CUX2: variants seen among roughly 807,000 people sequenced by gnomAD.
CUX2 encodes cut like homeobox 2.
CUX2 carries 40 observed loss-of-function variants against 144.8 expected under a neutral mutation model. The observed-to-expected ratio is 0.28, with a 90% CI of 0.21 to 0.36. CUX2 has a LOEUF of 0.36. Among genes scored for constraint, CUX2 ranks in the 10% least tolerant of loss-of-function variants. The pLI, the probability that CUX2 is intolerant of heterozygous loss-of-function variation, is 1.00. For missense variants in CUX2, 1,615 were observed against 1,994.0 expected (o/e 0.81, Z 3.62); for synonymous variants, 827 against 875.6 (o/e 0.94, Z 0.98).
intron 8 of CUX2, 97 bp downstream of exon 8, chr12:111,296,636 C>T (rs1886011681): frequency 1.7e-6 from 2 of 1,151,228 alleles, no homozygotes; most frequent in Non-Finnish European, 2.5e-6. Context: ...TCCCTCTGAC[C>T]CTCCCAGACA....
intron 21 of CUX2, 123 bp from the exon 22 acceptor site, chr12:111,347,400 TG>T: frequency 1.2e-6 from 1 of 819,528 alleles, no homozygotes; most frequent in Non-Finnish European, 1.9e-6. Context: ...GGTGCAAGTA[TG>T]GAGGCTTAGT....
Position 111,170,145 on chromosome 12 carries a change from A to G in CUX2, c.64-44055A>G, listed in dbSNP as rs141365023. Among the ~76,000 whole-genome samples the G allele has an allele frequency of 1.5e-4, 23 of 152,308 alleles. No homozygotes were observed. The East Asian group carries it at 4.4e-3, about 29-fold the overall frequency. ...CTGAGTCTCCCAGGATGAGAGTATT[A>G]AGAACAATAACTGGCCAGGCGTGGT... On this transcript the variant is annotated intron_variant, in intron 1 of 21. Transcript: ENST00000261726.
chr12:111,275,790 C>G (rs1884844984), intron 4 of CUX2, among the ~76,000 whole-genome samples: 1 of 152,160 alleles, frequency 6.6e-6, no homozygotes, highest in Admixed American at 6.5e-5. Context: ...TGAGTAAAGC[C>G]TCAGCCAGGT....
Position 111,322,522 on chromosome 12 carries a change from G to A in CUX2, c.2868G>A (p.Gln956=). The A allele has an allele frequency of 6.2e-7, 1 of 1,609,254 alleles. No homozygotes were observed. The highest frequency in any genetic ancestry group is 8.5e-7 in the Non-Finnish European group (1 of 1,179,118). The change falls in exon 18 of 22, where the codon CAG becomes CAA. Residue 956 remains glutamine (Q), a synonymous_variant. Coordinates refer to ENST00000261726, the MANE Select transcript of CUX2 (RefSeq NM_015267.4). The surrounding 1 kb of genome is among the most constrained non-coding windows in gnomAD (Gnocchi z 4.2). ...GGCGGGAGCCCTTCATCCGCATGCA[G>A]CTGTGGCTCTCTGACCAGCTCGGCC... The part of the protein sequence containing the change: ...QKGREPFIRM[Q]LWLSDQLGQA...
chr12:111,053,863 A>G (rs1171533371), intron 1 of CUX2, among the ~76,000 whole-genome samples: 1 of 152,174 alleles, frequency 6.6e-6, no homozygotes, highest in Non-Finnish European at 1.5e-5. Flanking sequence ...GTTACCTTTT[A>G]AAAACTCAGA....
chr12:111,307,281 C>G lies in CUX2; in HGVS notation c.1109+24C>G. 6.2e-7 allele frequency: 1 copy of G among 1,609,546 alleles called. No homozygotes were observed. The highest frequency in any genetic ancestry group is 8.5e-7 in the Non-Finnish European group (1 of 1,176,426). On this transcript the variant is annotated intron_variant, in intron 12 of 21. Coordinates refer to ENST00000261726, the MANE Select transcript of CUX2 (RefSeq NM_015267.4). This position sits in a 1 kb window ranked among gnomAD's most constrained non-coding sequence, Gnocchi z 4.1. ...AGGTACCATGTGGGGTGGGGCTCCACAGACCCTCAGTGCTCTTCCCTGGCC... is the reference window on the plus strand; with the variant it reads ...AGGTACCATGTGGGGTGGGGCTCCAGAGACCCTCAGTGCTCTTCCCTGGCC...
chr12:111,049,325 C>T (rs1870154458), intron 1 of CUX2, among the ~76,000 whole-genome samples: 1 of 152,220 alleles, frequency 6.6e-6, no homozygotes, highest in Non-Finnish European at 1.5e-5. Context: ...ATCCACCCAT[C>T]CACATATTTG....
chr12:111,205,605 A>G (rs1880875314), intron 1 of CUX2, among the ~76,000 whole-genome samples: 2 of 152,176 alleles, frequency 1.3e-5, no homozygotes, highest in South Asian at 4.1e-4. Flanking sequence ...GTGGTTGTCA[A>G]CACTCTGAAG....
intron 1 of CUX2, among the ~76,000 whole-genome samples, chr12:111,188,772 C>G (rs143915875): frequency 6.6e-6 from 1 of 151,980 alleles, no homozygotes; most frequent in Non-Finnish European, 1.5e-5. Context: ...TTTTAGGCTG[C>G]GGAGCGGTAG....
chr12:111,346,518 C>T (rs1888813446), intron 21 of CUX2, among the ~76,000 whole-genome samples: 1 of 151,698 alleles, frequency 6.6e-6, no homozygotes, highest in African/African-American at 2.4e-5. Context: ...AAGTGCTTAG[C>T]CTAGTGCCCA....
At chr12:111,177,314 A>G (rs1351345686) in intron 1 of CUX2, among the ~76,000 whole-genome samples, 1 of 152,092 alleles carries the variant, frequency 6.6e-6, no homozygotes, top group Non-Finnish European at 1.5e-5. Context: ...TCCCCCCTGC[A>G]GCCATCTCTG....
chr12:111,257,182 C>A lies in CUX2; in HGVS notation c.223-6579C>A, dbSNP rs532638117. Among the ~76,000 whole-genome samples the A allele has an allele frequency of 1.2e-3, 175 of 152,102 alleles. 2 individuals carry two copies. Among genetic ancestry groups the A allele is most frequent in the African/African-American group, 4.0e-3 (167 of 41,474 alleles). ...CTTCTTGAGGGTGTCTGTGGATGGTCTCCACCTCCTCCCTCTTCCCTCCTC... is the reference window on the plus strand; with the variant it reads ...CTTCTTGAGGGTGTCTGTGGATGGTATCCACCTCCTCCCTCTTCCCTCCTC... On this transcript the variant is annotated intron_variant, in intron 3 of 21. Coordinates refer to ENST00000261726, the MANE Select transcript of CUX2 (RefSeq NM_015267.4).
intron 21 of CUX2, among the ~76,000 whole-genome samples, chr12:111,346,810 C>G (rs575221782): frequency 1.3e-5 from 2 of 152,216 alleles, no homozygotes; most frequent in African/African-American, 4.8e-5. Context: ...GTCTGGAGTT[C>G]AAGTCAGCCT....
intron 4 of CUX2, among the ~76,000 whole-genome samples, chr12:111,273,024 G>A (rs1452515183): frequency 6.6e-6 from 1 of 152,176 alleles, no homozygotes; most frequent in African/African-American, 2.4e-5. Flanking sequence ...TGCTCTGAGT[G>A]CTTGCTATGT....
chr12:111,266,408 T>C (rs1274229811), intron 4 of CUX2, among the ~76,000 whole-genome samples: 7 of 148,288 alleles, frequency 4.7e-5, no homozygotes, highest in African/African-American at 1.5e-4. Flanking sequence ...GAGGCGGAGG[T>C]TGCAATGAGC....
At chr12:111,291,054 G>A (rs1000822801) in intron 4 of CUX2, among the ~76,000 whole-genome samples, 4 of 148,794 alleles carry the variant, frequency 2.7e-5, no homozygotes, top group South Asian at 2.1e-4. Flanking sequence ...TAGCAGAGAC[G>A]GGGTTTCACC....
At chr12:111,173,792 C>T (rs1878683853) in intron 1 of CUX2, among the ~76,000 whole-genome samples, 1 of 152,194 alleles carries the variant, frequency 6.6e-6, no homozygotes, top group South Asian at 2.1e-4. Flanking sequence ...GCTCTACCCT[C>T]AGAGTTTCTG....
chr12:111,297,231 C>T (rs923280521), intron 8 of CUX2, among the ~76,000 whole-genome samples: 5 of 145,204 alleles, frequency 3.4e-5, no homozygotes, highest in South Asian at 2.2e-4. Flanking sequence ...ATCCCAGACA[C>T]GCCTCCACCC....
At chr12:111,305,923 TTAGTGTGTGCTGTGGCTA>T (rs1335851443) in intron 10 of CUX2, among the ~76,000 whole-genome samples, 2 of 152,226 alleles carry the variant, frequency 1.3e-5, no homozygotes, top group Non-Finnish European at 2.9e-5. Context: ...ACTGCATGTG[TTAGTGTGTGCTGTGGCTA>T]TAGGTGTGTC....
Sources: allele counts gnomAD v4.1 joint callset (sites outside exome capture counted in the v4.1 genomes callset), GRCh38; gene constraint gnomAD v4.1.1; non-coding constraint Gnocchi (gnomAD v3.1); transcripts MANE v1.5; gene names NCBI Gene and HGNC (gene_info 2026-07-23, HGNC 2026-07-21).